Variants in GPC5 observed in about 807,000 individuals in gnomAD.
The protein encoded by GPC5 is glypican-5.
A neutral mutation model predicts 53.9 loss-of-function variants in GPC5; 47 were observed. That is an observed-to-expected ratio of 0.87 (90% CI 0.69 to 1.11). The LOEUF is 1.11. GPC5 is among the 50% of genes most tolerant of loss of function. The probability of loss-of-function intolerance (pLI) is 0.00; values close to 1 mark genes in which losing one functional copy is unlikely to be tolerated. For missense variants in GPC5, 748 were observed against 713.1 expected (o/e 1.05, Z -0.56); for synonymous variants, 286 against 263.3 (o/e 1.09, Z -0.84).
intron 1 of GPC5, among the ~76,000 whole-genome samples, chr13:91,426,630 C>A (rs2076703051): frequency 6.6e-6 from 1 of 152,132 alleles, no homozygotes; most frequent in African/African-American, 2.4e-5. Context: ...AGCTGAATAG[C>A]TTGGAGTTTA....
chr13:91,505,543 G>T (rs913265168), intron 2 of GPC5, among the ~76,000 whole-genome samples: 3 of 152,164 alleles, frequency 2.0e-5, no homozygotes, highest in East Asian at 1.9e-4. Context: ...GCTATGTCAT[G>T]TCAGTCAAGA....
intron 2 of GPC5, among the ~76,000 whole-genome samples, chr13:91,584,395 G>A (rs1007372530): frequency 4.6e-5 from 7 of 151,778 alleles, no homozygotes; most frequent in Non-Finnish European, 1.0e-4. Context: ...ATCCAAAGAG[G>A]AAAAAATAAA....
chr13:92,714,834 G>A (rs931444786), intron 7 of GPC5, among the ~76,000 whole-genome samples: 6 of 152,122 alleles, frequency 3.9e-5, no homozygotes, highest in Non-Finnish European at 8.8e-5. Context: ...TTGGGAGGCC[G>A]AGGCAAGTGG....
intron 7 of GPC5, among the ~76,000 whole-genome samples, chr13:92,523,694 TCAAC>T (rs1881157018): frequency 1.3e-5 from 2 of 152,052 alleles, no homozygotes; most frequent in Admixed American, 6.6e-5. Context: ...AACATGGAAA[TCAAC>T]CAACCACATT....
intron 7 of GPC5, among the ~76,000 whole-genome samples, chr13:92,229,344 T>A (rs1413659545): frequency 1.9e-4 from 29 of 152,154 alleles, no homozygotes; most frequent in Admixed American, 1.9e-3. Context: ...ATTTTTAATC[T>A]GTCATAGAAA....
At chr13:92,374,289 A>T (rs1279120381) in intron 7 of GPC5, among the ~76,000 whole-genome samples, 1 of 152,190 alleles carries the variant, frequency 6.6e-6, no homozygotes, top group African/African-American at 2.4e-5. Context: ...TAATAAAATG[A>T]GCTCTCTTAC....
At chr13:92,859,863 C>A (rs1879122310) in intron 7 of GPC5, among the ~76,000 whole-genome samples, 1 of 151,892 alleles carries the variant, frequency 6.6e-6, no homozygotes, top group Non-Finnish European at 1.5e-5. Flanking sequence ...ATCAATAAAG[C>A]AAACTTAGGA....
At chr13:91,750,220 G>A (rs916092663) in intron 4 of GPC5, among the ~76,000 whole-genome samples, 1 of 152,094 alleles carries the variant, frequency 6.6e-6, no homozygotes, top group Non-Finnish European at 1.5e-5. Context: ...CATTTTTATT[G>A]GTCCAGACAT....
chr13:92,829,055 T>C (rs976419203), intron 7 of GPC5, among the ~76,000 whole-genome samples: 1 of 152,190 alleles, frequency 6.6e-6, no homozygotes, highest in Non-Finnish European at 1.5e-5. Context: ...ACGTTTACTA[T>C]GCAGAGCCAC....
rs547753722 is a variant in GPC5 at position 91,425,494 on chromosome 13, T to G, written c.164-23267T>G. ...GTGAGTGAATTCTCATGAGGTCTGA[T>G]GGTTCTATAAGGGGCTTTTCCCCCT... On this transcript the variant is annotated intron_variant, in intron 1 of 7. Transcript: ENST00000377067. 6.8e-4 allele frequency among the ~76,000 whole-genome samples: 104 copies of G among 152,294 alleles called. No individual in the cohort carries two copies. In the Middle Eastern group the frequency reaches 0.024, roughly 35 times the overall value.
intron 7 of GPC5, among the ~76,000 whole-genome samples, chr13:92,149,418 G>T (rs2041891527): frequency 6.6e-6 from 1 of 151,990 alleles, no homozygotes; most frequent in Non-Finnish European, 1.5e-5. Flanking sequence ...TTTAGAAATA[G>T]TAGGATAATA....
At chr13:92,009,253 C>CGTTTGTGTGTGTGT (rs2040638313) in intron 6 of GPC5, among the ~76,000 whole-genome samples, 1 of 139,742 alleles carries the variant, frequency 7.2e-6, no homozygotes, top group Non-Finnish European at 1.5e-5. Flanking sequence ...GCTGGATTTT[C>CGTTTGTGTGTGTGT]GTGTGTGTGT....
intron 6 of GPC5, among the ~76,000 whole-genome samples, chr13:92,040,313 G>A (rs1594739390): frequency 6.6e-6 from 1 of 152,040 alleles, no homozygotes; most frequent in African/African-American, 2.4e-5. Context: ...CTAACTAAAC[G>A]TTCCCCCATC....
intron 7 of GPC5, among the ~76,000 whole-genome samples, chr13:92,263,735 C>A (rs1452929772): frequency 2.0e-5 from 3 of 152,220 alleles, no homozygotes; most frequent in Non-Finnish European, 4.4e-5. Context: ...CCTTAAGAAT[C>A]CATTTTGGCT....
intron 1 of GPC5, among the ~76,000 whole-genome samples, chr13:91,437,177 G>A (rs1880047216): frequency 1.3e-5 from 2 of 152,100 alleles, no homozygotes; most frequent in African/African-American, 4.8e-5. Context: ...GGAGCATTTA[G>A]CCCATTTACA....
intron 6 of GPC5, among the ~76,000 whole-genome samples, chr13:91,957,937 A>G (rs1594687456): frequency 1.3e-5 from 2 of 152,226 alleles, no homozygotes; most frequent in Admixed American, 1.3e-4. Flanking sequence ...CCAAAGCACA[A>G]TGATAAAAAA....
chr13:92,093,168 C>T (rs1291176913), intron 6 of GPC5, among the ~76,000 whole-genome samples: 2 of 152,110 alleles, frequency 1.3e-5, no homozygotes, highest in African/African-American at 2.4e-5. Context: ...TTTCTCTACT[C>T]TAGAAAAGTC....
intron 7 of GPC5, among the ~76,000 whole-genome samples, chr13:92,758,768 CTGAG>C (rs1875023037): frequency 6.6e-6 from 1 of 151,804 alleles, no homozygotes; most frequent in Non-Finnish European, 1.5e-5. Flanking sequence ...AATGTGTTTC[CTGAG>C]TTTTTTGTGT....
chr13:91,739,875 G>A (rs935625921), intron 4 of GPC5, among the ~76,000 whole-genome samples: 2 of 151,350 alleles, frequency 1.3e-5, no homozygotes, highest in Non-Finnish European at 2.9e-5. Flanking sequence ...ATGGAGACTG[G>A]CTCTCATCCA....
Sources: allele counts gnomAD v4.1 joint callset (sites outside exome capture counted in the v4.1 genomes callset), GRCh38; gene constraint gnomAD v4.1.1; transcripts MANE v1.5; gene names NCBI Gene and HGNC (gene_info 2026-07-23, HGNC 2026-07-21).